Variants in PRICKLE2 observed in about 807,000 individuals in gnomAD.
PRICKLE2 encodes the protein prickle planar cell polarity protein 2, also known as prickle-like protein 2.
In PRICKLE2, 21 loss-of-function variants were observed where a neutral mutation model predicts 81.4. That is an observed-to-expected ratio of 0.26 (90% CI 0.18 to 0.37). PRICKLE2 has a LOEUF of 0.37. Ranked by LOEUF, PRICKLE2 falls within the 10% of genes least tolerant of loss-of-function variation. PRICKLE2 has a pLI of 1.00. For synonymous variants in PRICKLE2, 456 were observed against 421.5 expected (o/e 1.08, Z -1.00); for missense variants, 940 against 1,109.0 (o/e 0.85, Z 2.16).
intron 7 of PRICKLE2, among the ~76,000 whole-genome samples, chr3:64,104,268 A>G (rs141368780): frequency 0.013 from 1,969 of 152,306 alleles, 21 homozygotes; most frequent in Middle Eastern, 0.041. Context: ...AGGAGAGGAT[A>G]ACAACCTAAG....
intron 2 of PRICKLE2, among the ~76,000 whole-genome samples, chr3:64,230,740 C>T (rs1415609771): frequency 6.6e-6 from 1 of 152,194 alleles, no homozygotes; most frequent in Non-Finnish European, 1.5e-5. Flanking sequence ...CTCTAAGCCT[C>T]AGTTTCACCA....
chr3:64,133,640 T>C (rs770714412), intron 7 of PRICKLE2, among the ~76,000 whole-genome samples: 2 of 152,058 alleles, frequency 1.3e-5, no homozygotes, highest in Non-Finnish European at 2.9e-5. Context: ...GAACTGACAG[T>C]CTACTTTCTC....
chr3:64,149,868 G>A (rs1396503223), intron 6 of PRICKLE2, among the ~76,000 whole-genome samples: 10 of 151,528 alleles, frequency 6.6e-5, no homozygotes, highest in African/African-American at 1.7e-4. Flanking sequence ...CCTGGCCTTA[G>A]AGACTAAGAG....
At chr3:64,103,340 AC>A (rs1200259917) in intron 7 of PRICKLE2, 1 of 152,214 alleles carries the variant, frequency 6.6e-6, no homozygotes, top group Non-Finnish European at 1.5e-5. Context: ...CTCAGAAGAA[AC>A]CCTGATAAAA....
At position 64,140,505 on chromosome 3, in the gene PRICKLE2, C is replaced by G. The variant is rs563737287; in HGVS notation, c.1660+6325G>C. Among the ~76,000 whole-genome samples the G allele has an allele frequency of 2.6e-4, 39 of 152,318 alleles. 1 individual carries two copies. The highest frequency in any genetic ancestry group is 8.9e-4 in the African/African-American group (37 of 41,578). On this transcript the variant is annotated intron_variant, in intron 7 of 7. Transcript: ENST00000638394. ...GGAATGGTCATGTTCCCAGCCTCATCATTCCACACCAGCATCCTTCACCAG... is the reference window on the plus strand; with the variant it reads ...GGAATGGTCATGTTCCCAGCCTCATGATTCCACACCAGCATCCTTCACCAG...
rs913234081 is a variant in PRICKLE2, at chr3:64,257,828, C to T, written c.129-58861G>A. 4.6e-5 allele frequency among the ~76,000 whole-genome samples: 7 copies of T among 152,240 alleles called. 1 individual carries two copies. Among genetic ancestry groups the T allele is most frequent in the African/African-American group, 1.7e-4 (7 of 41,544 alleles). On this transcript the variant is annotated intron_variant, in intron 2 of 8. Coordinates refer to the PRICKLE2 transcript ENST00000295902. ...AATTCATAGGTTTAAATCCTAACCC[C>T]TAAAGTGATAGTATTAGAAGATGGG...
At chr3:64,164,017 C>T (rs1213646628) in intron 2 of PRICKLE2, 1 of 152,024 alleles carries the variant, frequency 6.6e-6, no homozygotes, top group Non-Finnish European at 1.5e-5. Flanking sequence ...ACATGAGCAC[C>T]TCTTGCGAAA....
intron 7 of PRICKLE2, among the ~76,000 whole-genome samples, chr3:64,140,520 T>C (rs2077343623): frequency 6.6e-6 from 1 of 152,150 alleles, no homozygotes; most frequent in Admixed American, 6.5e-5. Flanking sequence ...CACACCAGCA[T>C]CCTTCACCAG....
In PRICKLE2 at chr3:64,161,234, GGTTTC is replaced by G. The variant is rs61540046; in HGVS notation, c.259-1162_259-1158del. On this transcript the variant is annotated intron_variant, in intron 3 of 7. Transcript: ENST00000638394. ...AAATATAGTAACTCTCTCAATATGT[GGTTTC>G]GTTTCATTTACTGCCATGTCCACAT... Among the ~76,000 whole-genome samples, 562 of 152,252 alleles carry G rather than the reference GGTTTC, an allele frequency of 3.7e-3. 2 individuals carry two copies. The highest frequency in any genetic ancestry group is 5.8e-3 in the Non-Finnish European group (392 of 68,016).
chr3:64,159,848 T>G, intron 4 of PRICKLE2, 92 bp downstream of exon 4: 1 of 1,511,322 alleles, frequency 6.6e-7, no homozygotes, highest in Non-Finnish European at 9.2e-7. Flanking sequence ...CTCAGGCACA[T>G]AGTAGGCACT....
chr3:64,140,066 C>T (rs1048775094), intron 7 of PRICKLE2, among the ~76,000 whole-genome samples: 5 of 152,212 alleles, frequency 3.3e-5, no homozygotes, highest in Non-Finnish European at 7.3e-5. Flanking sequence ...CCTACAAATA[C>T]TAATACCAAC....
At chr3:64,256,924 ACTGAG>A (rs1176980253) in intron 2 of PRICKLE2, among the ~76,000 whole-genome samples, 2 of 152,132 alleles carry the variant, frequency 1.3e-5, no homozygotes, top group Non-Finnish European at 2.9e-5. Context: ...CTTTTTTGGC[ACTGAG>A]TCTAATTTCA....
At chr3:64,104,611 G>A (rs925088987) in intron 7 of PRICKLE2, 5 of 152,298 alleles carry the variant, frequency 3.3e-5, no homozygotes, top group Admixed American at 2.0e-4. Context: ...CTGGTATCAG[G>A]CTTCTGCATC....
intron 2 of PRICKLE2, among the ~76,000 whole-genome samples, chr3:64,176,176 AG>A (rs971174445): frequency 2.6e-5 from 4 of 152,320 alleles, no homozygotes; most frequent in African/African-American, 9.6e-5. Flanking sequence ...ACTAGCTGCA[AG>A]GGAAGCTAGG....
At chr3:64,176,682 G>T (rs2078027987) in intron 2 of PRICKLE2, among the ~76,000 whole-genome samples, 1 of 152,210 alleles carries the variant, frequency 6.6e-6, no homozygotes, top group Non-Finnish European at 1.5e-5. Flanking sequence ...ATTTAAGGCA[G>T]TTTCATTTCT....
At chr3:64,217,790 G>A (rs1340327018) in intron 1 of PRICKLE2, among the ~76,000 whole-genome samples, 1 of 152,168 alleles carries the variant, frequency 6.6e-6, no homozygotes, top group Non-Finnish European at 1.5e-5. Flanking sequence ...AAGGAGACTG[G>A]AGCATGGTGA....
chr3:64,239,952 C>CAAAAAAAA (rs57932723), intron 2 of PRICKLE2, among the ~76,000 whole-genome samples: 16 of 32,244 alleles, frequency 5.0e-4, no homozygotes, highest in African/African-American at 1.7e-3. Flanking sequence ...CCATCGCTAC[C>CAAAAAAAA]AAAAAAAAAA....
At chr3:64,136,822 TGGCAGACAAAG>T (rs997741348) in intron 7 of PRICKLE2, among the ~76,000 whole-genome samples, 2 of 152,188 alleles carry the variant, frequency 1.3e-5, no homozygotes, top group Non-Finnish European at 2.9e-5. Context: ...ATTTTGTTGA[TGGCAGACAAAG>T]GAAATCAGGA....
intron 2 of PRICKLE2, among the ~76,000 whole-genome samples, chr3:64,267,079 C>T (rs903928031): frequency 6.6e-6 from 1 of 152,034 alleles, no homozygotes. Context: ...ACAATCTTTC[C>T]TGATTATTTT....
Sources: gnomAD v4.1 joint callset for allele counts (sites outside exome capture counted in the v4.1 genomes callset) on GRCh38, gnomAD v4.1.1 for gene constraint, MANE v1.5 for transcripts, NCBI Gene and HGNC (gene_info 2026-07-23, HGNC 2026-07-21) for gene names.